Variants in C7 observed in about 807,000 individuals in gnomAD.
C7 encodes complement component C7.
C7 carries 83 observed loss-of-function variants against 104.8 expected under a neutral mutation model. The observed-to-expected ratio is 0.79, with a 90% CI of 0.66 to 0.95. The LOEUF (loss-of-function observed/expected upper bound fraction) is 0.95. C7 is among the 40% of genes least tolerant of loss of function. The pLI is 0.00. For synonymous variants in C7, 415 were observed against 360.6 expected (o/e 1.15, Z -1.71); for missense variants, 1,070 against 1,011.2 (o/e 1.06, Z -0.79).
At chr5:40,975,580 T>C (rs560243886) in intron 15 of C7, among the ~76,000 whole-genome samples, 1 of 152,242 alleles carries the variant, frequency 6.6e-6, no homozygotes, top group Non-Finnish European at 1.5e-5. Flanking sequence ...GCTAGGCTGG[T>C]CGTGAACTCC....
At chr5:40,914,991 G>C (rs1303223827) in intron 1 of C7, among the ~76,000 whole-genome samples, 1 of 152,158 alleles carries the variant, frequency 6.6e-6, no homozygotes, top group Non-Finnish European at 1.5e-5. Context: ...GCCTGAGAGA[G>C]TGCTTGACTG....
At chr5:40,923,765 C>A (rs1020339445) in intron 1 of C7, among the ~76,000 whole-genome samples, 17 of 150,730 alleles carry the variant, frequency 1.1e-4, no homozygotes, top group Non-Finnish European at 2.2e-4. Context: ...AAAAAGTATG[C>A]GAGAGGGGGA....
intron 13 of C7, 27 bp from the exon 14 acceptor site, chr5:40,964,714 C>T: frequency 1.2e-6 from 2 of 1,602,728 alleles, no homozygotes; most frequent in Admixed American, 3.4e-5. Flanking sequence ...CAAACTCTTT[C>T]CTTTTCCATC....
At chr5:40,971,031 TGCTGCAATAAAC>T in intron 14 of C7, among the ~76,000 whole-genome samples, 1 of 152,202 alleles carries the variant, frequency 6.6e-6, no homozygotes, top group South Asian at 2.1e-4. Context: ...TTGTAAGTAG[TGCTGCAATAAAC>T]ATACGTGTGC....
intron 8 of C7, among the ~76,000 whole-genome samples, chr5:40,949,246 C>A (rs1740113879): frequency 6.6e-6 from 1 of 150,990 alleles, no homozygotes; most frequent in African/African-American, 2.4e-5. Context: ...TAGTGTATGC[C>A]CCAAATAATT....
intron 8 of C7, 128 bp downstream of exon 8, chr5:40,947,973 A>C (rs932126520): frequency 7.1e-6 from 7 of 984,972 alleles, no homozygotes; most frequent in Non-Finnish European, 1.1e-5. Flanking sequence ...AAAGGAATCT[A>C]AAATTGCAAG....
At chr5:40,955,261 T>A (rs1740263313) in intron 9 of C7, 126 bp from the exon 10 acceptor site, 2 of 857,984 alleles carry the variant, frequency 2.3e-6, no homozygotes, top group African/African-American at 1.7e-5. Context: ...CCCTCCCTTC[T>A]TTCTGACCAC....
At chr5:40,980,679 G>C (rs898681039) in intron 17 of C7, among the ~76,000 whole-genome samples, 3 of 152,154 alleles carry the variant, frequency 2.0e-5, no homozygotes, top group African/African-American at 7.2e-5. Flanking sequence ...TTAGGAGCTG[G>C]ACTCTATGAC....
chr5:40,921,161 A>C (rs1238936708), intron 1 of C7, among the ~76,000 whole-genome samples: 1 of 152,286 alleles, frequency 6.6e-6, no homozygotes. Flanking sequence ...GCATTCCTAC[A>C]TGCTAACAGA....
chr5:40,944,641 C>T (rs1403835400), intron 6 of C7, among the ~76,000 whole-genome samples: 1 of 152,180 alleles, frequency 6.6e-6, no homozygotes, highest in Non-Finnish European at 1.5e-5. Context: ...TGTGACTAAC[C>T]TATTGTCTAC....
At chr5:40,965,814 TG>T (rs1261422966) in intron 14 of C7, among the ~76,000 whole-genome samples, 5 of 151,676 alleles carry the variant, frequency 3.3e-5, no homozygotes, top group Non-Finnish European at 7.4e-5. Flanking sequence ...GCTAATTTTT[TG>T]TATTTTTAGT....
At chr5:40,956,972 A>G (rs1204166523) in intron 10 of C7, among the ~76,000 whole-genome samples, 1 of 152,248 alleles carries the variant, frequency 6.6e-6, no homozygotes, top group Non-Finnish European at 1.5e-5. Context: ...ACATAGGACT[A>G]TAAATTATCA....
In C7 at chr5:40,913,380, C is replaced by G. The variant is rs917529661; in HGVS notation, c.6+3764C>G. Among the ~76,000 whole-genome samples the G allele has an allele frequency of 2.0e-5, 3 of 152,200 alleles. No homozygotes were observed. The East Asian group carries it at 5.8e-4, about 29-fold the overall frequency. ...TTTAGTTCTTTGAGAAATCTCCATACTGTTTTTTATGGAAGTTGTACTAAT... is the reference window on the plus strand; with the variant it reads ...TTTAGTTCTTTGAGAAATCTCCATAGTGTTTTTTATGGAAGTTGTACTAAT... On this transcript the variant is annotated intron_variant, in intron 1 of 17. Coordinates refer to ENST00000313164, the MANE Select transcript of C7 (RefSeq NM_000587.4).
intron 15 of C7, among the ~76,000 whole-genome samples, chr5:40,975,597 C>T (rs1740801552): frequency 6.6e-6 from 1 of 152,146 alleles, no homozygotes; most frequent in Admixed American, 6.5e-5. Context: ...CTCCTGACCT[C>T]AAGTGATCTG....
At chr5:40,955,003 C>A in intron 9 of C7, 1 of 226,112 alleles carries the variant, frequency 4.4e-6, no homozygotes, top group Non-Finnish European at 8.6e-6. Context: ...TCCTGTATAT[C>A]CCCTGCTCCC....
At chr5:40,928,121 ATT>A (rs1223117265) in intron 1 of C7, among the ~76,000 whole-genome samples, 2 of 152,170 alleles carry the variant, frequency 1.3e-5, no homozygotes, top group Non-Finnish European at 2.9e-5. Flanking sequence ...CATAGATGGA[ATT>A]GGAAAACATT....
intron 14 of C7, 145 bp from the exon 15 acceptor site, chr5:40,972,258 T>A: frequency 1.4e-6 from 1 of 691,060 alleles, no homozygotes; most frequent in Non-Finnish European, 2.5e-6. Flanking sequence ...TGTCTTTCAG[T>A]CCACCCTAAC....
intron 14 of C7, among the ~76,000 whole-genome samples, chr5:40,968,598 ATATTTTTTTTTTTTTTTTT>A (rs1740621972): frequency 7.3e-4 from 16 of 22,036 alleles, no homozygotes; most frequent in East Asian, 7.2e-3. Context: ...ATATATATAT[ATATTTTTTTTTTTTTTTTT>A]TTTTTTTTTT....
rs191184630 is a variant in C7, at chr5:40,982,992, T to A, written c.*1419T>A. 26 of 152,414 alleles carry A rather than the reference T, an allele frequency of 1.7e-4. No homozygotes were observed. The highest frequency in any genetic ancestry group is 6.0e-4 in the African/African-American group (25 of 41,516). 9.4% of individuals were successfully genotyped at this position (152,414 alleles called of 1,614,324 possible). On this transcript the variant is annotated 3_prime_UTR_variant, in exon 18 of 18. Transcript: ENST00000313164. ...TAGAGAAGATTTTCATGATGAATGGTTAATGTGTTCTTGCCTGAAGTTTTA... is the reference window on the plus strand; with the variant it reads ...TAGAGAAGATTTTCATGATGAATGGATAATGTGTTCTTGCCTGAAGTTTTA...
Sources: gnomAD v4.1 joint callset for allele counts (sites outside exome capture counted in the v4.1 genomes callset) on GRCh38, gnomAD v4.1.1 for gene constraint, MANE v1.5 for transcripts, NCBI Gene and HGNC (gene_info 2026-07-23, HGNC 2026-07-21) for gene names.